Variants in PPP6R2 observed in about 807,000 individuals in gnomAD.
PPP6R2 encodes protein phosphatase 6 regulatory subunit 2.
In PPP6R2, 62 loss-of-function variants were observed where a neutral mutation model predicts 100.2. That is an observed-to-expected ratio of 0.62 (90% CI 0.50 to 0.76). PPP6R2 has a LOEUF of 0.76. Ranked by LOEUF, PPP6R2 falls within the 30% of genes least tolerant of loss-of-function variation. The pLI, the probability that PPP6R2 is intolerant of heterozygous loss-of-function variation, is 0.00. For missense variants in PPP6R2, 1,142 were observed against 1,276.3 expected, an observed-to-expected ratio of 0.89 and a Z score of 1.60; for synonymous variants, 525 against 514.7, an observed-to-expected ratio of 1.02 and a Z score of -0.27.
At chr22:50,422,165 T>C in intron 8 of PPP6R2, 89 bp from the exon 9 acceptor site, 6 of 1,522,374 alleles carry the variant, frequency 3.9e-6, no homozygotes, top group Non-Finnish European at 5.3e-6. Flanking sequence ...AAAAGGGCTC[T>C]TTCTGGAAGA....
chr22:50,352,347 TCTCTGTCATC>T (rs776549851), intron 1 of PPP6R2, among the ~76,000 whole-genome samples: 43 of 152,332 alleles, frequency 2.8e-4, no homozygotes, highest in Middle Eastern at 6.8e-3. Context: ...AGCTTCGTCA[TCTCTGTCATC>T]CTTTGTAGAA....
At position 50,418,495 on chromosome 22, in the gene PPP6R2, C is replaced by T. The variant is rs1391460344; in HGVS notation, c.619-372C>T. Among the ~76,000 whole-genome samples, 2 of 152,062 alleles carry T rather than the reference C, an allele frequency of 1.3e-5. 1 individual carries two copies. The highest frequency in any genetic ancestry group is 4.8e-5 in the African/African-American group (2 of 41,470). On this transcript the variant is annotated intron_variant, in intron 6 of 23. Transcript: ENST00000612753. ...CCTTCTCCCAGGTTCAAGCCATTCT[C>T]CTGCCCTCAGCCAACCGAGTAGCTG...
At position 50,414,695 on chromosome 22, in the gene PPP6R2, T is replaced by C. The variant is rs753226434; in HGVS notation, c.552+6T>C. 10 of 1,588,860 alleles carry C rather than the reference T, an allele frequency of 6.3e-6. No homozygotes were observed. In the African/African-American group the frequency reaches 1.5e-4, roughly 23 times the overall value. On this transcript the variant is annotated splice_donor_region_variant and intron_variant, in intron 5 of 23. Coordinates refer to ENST00000612753, the MANE Select transcript of PPP6R2 (RefSeq NM_001242898.2). ...TCCGGCAGGACGTCCTGCACGTGAG[T>C]GCGGGAGTCCCCCCCCGTTCCCGAG...
At chr22:50,438,856 G>GCCCCAAATGCCTCA in intron 19 of PPP6R2, 94 bp downstream of exon 19, 1 of 1,272,928 alleles carries the variant, frequency 7.9e-7, no homozygotes. Context: ...TTGGAGCTGA[G>GCCCCAAATGCCTCA]GCATTTGGGG....
At chr22:50,408,830 G>A (rs1190878554) in intron 4 of PPP6R2, among the ~76,000 whole-genome samples, 6 of 152,134 alleles carry the variant, frequency 3.9e-5, no homozygotes, top group African/African-American at 1.4e-4. Context: ...CATTTCTTCT[G>A]TTGGCTGGGT....
chr22:50,338,240 G>T, the PPP6R2 span, among the ~76,000 whole-genome samples: 1 of 144,338 alleles, frequency 6.9e-6, no homozygotes, highest in Admixed American at 6.9e-5. Context: ...TGTGTGTGTG[G>T]TGTGTTTGTG....
intron 2 of PPP6R2, among the ~76,000 whole-genome samples, chr22:50,380,191 T>C (rs565629750): frequency 1.6e-4 from 24 of 151,952 alleles, no homozygotes; most frequent in Admixed American, 9.2e-4. Flanking sequence ...CCCGTGGTGA[T>C]AGAGAGGAAG....
intron 6 of PPP6R2, among the ~76,000 whole-genome samples, chr22:50,416,491 C>CTTG (rs371912865): frequency 6.6e-5 from 10 of 151,512 alleles, no homozygotes; most frequent in Middle Eastern, 3.2e-3. Context: ...CTGTTTTCTT[C>CTTG]TTGTTGTTGT....
Position 50,406,858 on chromosome 22 carries a change from G to A in PPP6R2, c.397G>A (p.Ala133Thr). Residue 133 changes from alanine to threonine, a missense_variant, in exon 4 of 24, where the codon GCA (alanine) becomes ACA (threonine). Around this residue, in one of 2 missense-constraint regions of PPP6R2, gnomAD observed 592 missense variants for 758.9 expected, o/e 0.78. Transcript: ENST00000612753. Reference sequence around the variant, plus strand: ...CAGCAAGACCATTGGCAATCTCATTGCAAGAAAAACCGAACAGGTAAATCA... The same window carrying A: ...CAGCAAGACCATTGGCAATCTCATTACAAGAAAAACCGAACAGGTAAATCA... ...FFSKTIGNLI[A>T]RKTEQVITFL... The A allele has an allele frequency of 3.7e-6, 6 of 1,614,032 alleles. No homozygotes were observed. The highest frequency in any genetic ancestry group is 5.1e-6 in the Non-Finnish European group (6 of 1,179,904).
intron 2 of PPP6R2, among the ~76,000 whole-genome samples, chr22:50,380,519 C>T (rs1464839686): frequency 6.6e-6 from 1 of 151,446 alleles, no homozygotes; most frequent in African/African-American, 2.4e-5. Flanking sequence ...CGCCACCACA[C>T]GCAGCTAATT....
In PPP6R2 at chr22:50,445,058, A is replaced by T. The variant is rs1424165832; in HGVS notation, c.*811A>T. The T allele has an allele frequency of 6.6e-6, 1 of 152,666 alleles. No individual in the cohort carries two copies. The allele number at this position is 152,666 out of a possible 1,614,324, so 9.5% of individuals were successfully genotyped here. A position where few individuals can be genotyped will look rare whatever the true frequency, so the allele number is the denominator to read the frequency against. On this transcript the variant is annotated 3_prime_UTR_variant, in exon 24 of 24. Transcript: ENST00000612753. ...ACCTGACAGGGCACCCCAAACCCCC[A>T]ACTCCCAATAAAAGCCGTGACGTTC... is the stretch of plus-strand genomic sequence containing the variant.
At position 50,437,564 on chromosome 22, in the gene PPP6R2, T is replaced by C; in HGVS notation, c.1742T>C (p.Phe581Ser). 1 of 1,579,432 alleles carries C rather than the reference T, an allele frequency of 6.3e-7. No homozygotes were observed. Among genetic ancestry groups the C allele is most frequent in the Non-Finnish European group, 8.6e-7 (1 of 1,159,028 alleles). ...MTANFVDQFG[F>S]NDEEFADQDD... Reference sequence around the variant, plus strand: ...GCCAACTTCGTGGATCAGTTTGGCTTCAATGATGAGGAGTTTGCCGACCAG... The same window carrying C: ...GCCAACTTCGTGGATCAGTTTGGCTCCAATGATGAGGAGTTTGCCGACCAG... The change falls in exon 16 of 24, where the codon TTC becomes TCC. Residue 581 changes from phenylalanine (F) to serine (S), a missense_variant. Around this residue, in one of 2 missense-constraint regions of PPP6R2, gnomAD observed 550 missense variants for 517.4 expected, o/e 1.06. Coordinates refer to ENST00000612753, the MANE Select transcript of PPP6R2 (RefSeq NM_001242898.2).
In PPP6R2 at chr22:50,401,543, G is replaced by A. The variant is rs556234016; in HGVS notation, c.228-5146G>A. On this transcript the variant is annotated intron_variant, in intron 3 of 23. Transcript: ENST00000612753. ...TTTTTTCTGAGACAGAGTCTGTCTC[G>A]CTCTGTCGCCCAGGCTGGAGTACAG... Among the ~76,000 whole-genome samples the A allele has an allele frequency of 2.8e-3, 398 of 144,480 alleles. 1 individual carries two copies. Among genetic ancestry groups the A allele is most frequent in the African/African-American group, 9.3e-3 (360 of 38,690 alleles). The allele number at this position is 144,480 out of a possible 152,430, so 94.8% of individuals were successfully genotyped here.
chr22:50,426,261 C>G (rs1053851865), intron 10 of PPP6R2, among the ~76,000 whole-genome samples: 1 of 152,176 alleles, frequency 6.6e-6, no homozygotes, highest in Non-Finnish European at 1.5e-5. Flanking sequence ...AGCCTTTACT[C>G]CTTGATAATG....
Position 50,393,741 on chromosome 22 carries a change from A to C in PPP6R2, c.-16-152A>C, listed in dbSNP as rs917638155. 3.2e-5 allele frequency: 32 copies of C among 985,260 alleles called. No individual in the cohort carries two copies. In the African/African-American group the frequency reaches 5.6e-4, roughly 17 times the overall value. 61.0% of individuals were successfully genotyped at this position (985,260 alleles called of 1,614,324 possible). On this transcript the variant is annotated intron_variant, in intron 2 of 23. Coordinates refer to ENST00000612753, the MANE Select transcript of PPP6R2 (RefSeq NM_001242898.2). ...TGAGCTCTGGGAATCTTGTGTGTTC[A>C]TGCTGCAGATGGACTTCCAGGACTT...
upstream of PPP6R2, among the ~76,000 whole-genome samples, chr22:50,339,802 ATGTG>A (rs1569219124): frequency 2.1e-3 from 41 of 19,694 alleles, no homozygotes; most frequent in Non-Finnish European, 3.1e-3. Context: ...TGTGTGGGGT[ATGTG>A]TGTGTGGTGT....
intron 4 of PPP6R2, among the ~76,000 whole-genome samples, chr22:50,414,231 C>T (rs1454002643): frequency 6.6e-6 from 1 of 150,984 alleles, no homozygotes; most frequent in Non-Finnish European, 1.5e-5. Context: ...AAACCCGAAC[C>T]AGTAGGTATT....
chr22:50,378,448 T>C (rs910219677), intron 2 of PPP6R2, among the ~76,000 whole-genome samples: 4 of 151,790 alleles, frequency 2.6e-5, no homozygotes, highest in Non-Finnish European at 4.4e-5. Flanking sequence ...TAGCCAGACG[T>C]GGTGGTGCAT....
At chr22:50,413,828 C>A (rs1326676902) in intron 4 of PPP6R2, among the ~76,000 whole-genome samples, 1 of 152,002 alleles carries the variant, frequency 6.6e-6, no homozygotes, top group Non-Finnish European at 1.5e-5. Flanking sequence ...TCTACCCCAG[C>A]CCCCAGCCCA....
Sources: gnomAD v4.1 joint callset for allele counts (sites outside exome capture counted in the v4.1 genomes callset) on GRCh38, gnomAD v4.1.1 for gene constraint, gnomAD v4.1.1 regional missense constraint, MANE v1.5 for transcripts, NCBI Gene and HGNC (gene_info 2026-07-23, HGNC 2026-07-21) for gene names.